ERCC6L2: variants seen among roughly 807,000 people sequenced by gnomAD.
ERCC6L2 encodes ERCC excision repair 6 like 2.
In ERCC6L2, 77 loss-of-function variants were observed where a neutral mutation model predicts 132.0. The observed-to-expected ratio is 0.58, with a 90% CI of 0.49 to 0.71. The LOEUF is 0.71. ERCC6L2 is among the 30% of genes least tolerant of loss of function. The pLI, the probability that ERCC6L2 is intolerant of heterozygous loss-of-function variation, is 0.00. For missense variants in ERCC6L2, 1,542 were observed against 1,837.6 expected (o/e 0.84, Z 2.94); for synonymous variants, 583 against 632.4 (o/e 0.92, Z 1.17).
In ERCC6L2 at chr9:96,012,947, G is replaced by A. The variant is rs549812698; in HGVS notation, c.4397G>A (p.Gly1466Glu). 3 of 1,367,230 alleles carry A rather than the reference G, an allele frequency of 2.2e-6. No individual in the cohort carries two copies. Among genetic ancestry groups the A allele is most frequent in the East Asian group, 9.1e-5 (2 of 21,986 alleles). 84.7% of individuals were successfully genotyped at this position (1,367,230 alleles called of 1,614,324 possible). The change falls in exon 19 of 19, where the codon GGG becomes GAG. Residue 1466 changes from glycine to glutamate, a missense_variant. Physicochemically the swap from Gly to Glu is moderately conservative, Grantham distance 98. This residue lies in a region of ERCC6L2 where 442 missense variants were observed against 583.4 expected (regional missense o/e 0.76). Coordinates refer to ENST00000653738, the MANE Select transcript of ERCC6L2 (RefSeq NM_020207.7). ...CAACTGCCAAAGAAAGTTCTTTCAG[G>A]GCCCATGGAAAAAGCAAAACAGAGA... Reference protein sequence around the residue: ...PTQLPKKVLSGPMEKAKQRPK... With the variant: ...PTQLPKKVLSEPMEKAKQRPK...
chr9:95,900,089 A>G (rs944372954), intron 3 of ERCC6L2, among the ~76,000 whole-genome samples: 4 of 152,138 alleles, frequency 2.6e-5, no homozygotes, highest in African/African-American at 4.8e-5. Flanking sequence ...CCTTAAAGCT[A>G]TAAGTGTTCC....
chr9:95,945,401 A>G (rs1831011137), intron 12 of ERCC6L2, among the ~76,000 whole-genome samples: 1 of 152,180 alleles, frequency 6.6e-6, no homozygotes, highest in African/African-American at 2.4e-5. Flanking sequence ...TTAAACACAC[A>G]TGCTGTACAA....
chr9:95,878,038 C>T (rs562690748), intron 1 of ERCC6L2, among the ~76,000 whole-genome samples: 49 of 152,066 alleles, frequency 3.2e-4, no homozygotes, highest in Non-Finnish European at 6.0e-4. Flanking sequence ...TAATGGGTAC[C>T]CTACGCTAAA....
chr9:96,027,228 AC>A (rs1349434783), intron 19 of ERCC6L2, among the ~76,000 whole-genome samples: 1 of 151,240 alleles, frequency 6.6e-6, no homozygotes, highest in African/African-American at 2.4e-5. Context: ...CGCCTCCAAC[AC>A]CCACCTCTTG....
At chr9:95,991,053 C>G (rs538697945) in intron 17 of ERCC6L2, among the ~76,000 whole-genome samples, 1 of 152,060 alleles carries the variant, frequency 6.6e-6, no homozygotes, top group African/African-American at 2.4e-5. Flanking sequence ...CCATAGGCTC[C>G]GATGCTCAGT....
chr9:96,029,105 C>G (rs535513235), intron 19 of ERCC6L2, among the ~76,000 whole-genome samples: 134 of 151,886 alleles, frequency 8.8e-4, no homozygotes, highest in Non-Finnish European at 1.5e-3. Context: ...GAGATCGAGA[C>G]CATCCTGGCT....
chr9:95,916,500 A>G lies in ERCC6L2; in HGVS notation c.1158+66A>G. 6.0e-6 allele frequency: 8 copies of G among 1,323,274 alleles called. No homozygotes were observed. In the East Asian group the frequency reaches 1.3e-4, roughly 21 times the overall value. The allele number at this position is 1,323,274 out of a possible 1,614,324, so 82.0% of individuals were successfully genotyped here. ...ATTTTTTTTTTCCTTTTTAAGAAAA[A>G]GTCTGTCTCCTGTGGCATTTTGTAA... On this transcript the variant is annotated intron_variant, in intron 6 of 18. Coordinates refer to ENST00000653738, the MANE Select transcript of ERCC6L2 (RefSeq NM_020207.7).
chr9:96,022,044 C>G (rs1278387682), downstream of ERCC6L2, among the ~76,000 whole-genome samples: 1 of 152,212 alleles, frequency 6.6e-6, no homozygotes, highest in Non-Finnish European at 1.5e-5. Flanking sequence ...CTCCACCTCC[C>G]TCCCGCCTCC....
downstream of ERCC6L2, chr9:96,020,901 A>C (rs1834275043): frequency 2.2e-6 from 1 of 456,620 alleles, no homozygotes; most frequent in African/African-American, 2.0e-5. Context: ...GGCCAGGCGT[A>C]GAGTGCTTCC....
chr9:95,995,111 A>G (rs1438125724), intron 17 of ERCC6L2, among the ~76,000 whole-genome samples: 3 of 152,184 alleles, frequency 2.0e-5, no homozygotes, highest in South Asian at 2.1e-4. Flanking sequence ...GTAGGGGGGA[A>G]TCTTCCTTGT....
intron 17 of ERCC6L2, among the ~76,000 whole-genome samples, chr9:95,997,163 C>G (rs973067747): frequency 6.6e-6 from 1 of 151,428 alleles, no homozygotes. Context: ...AGTTGTTAAC[C>G]TTCTGGAAAG....
At chr9:95,977,264 T>C (rs767262218) in intron 16 of ERCC6L2, among the ~76,000 whole-genome samples, 69 of 152,244 alleles carry the variant, frequency 4.5e-4, no homozygotes, top group Non-Finnish European at 7.9e-4. Context: ...TGCTAGTTAC[T>C]GTCTCATCAT....
chr9:95,936,703 T>TA (rs1564241193), intron 11 of ERCC6L2, among the ~76,000 whole-genome samples: 1 of 152,194 alleles, frequency 6.6e-6, no homozygotes, highest in Non-Finnish European at 1.5e-5. Flanking sequence ...CTGACGTTGA[T>TA]ACAGTGAAGA....
intron 19 of ERCC6L2, among the ~76,000 whole-genome samples, chr9:96,035,104 T>G (rs1161319352): frequency 6.6e-6 from 1 of 152,146 alleles, no homozygotes; most frequent in Non-Finnish European, 1.5e-5. Flanking sequence ...CTGATCCTAC[T>G]GCCTGTCCAA....
At chr9:96,037,999 G>A (rs1461640836) in intron 19 of ERCC6L2, among the ~76,000 whole-genome samples, 1 of 152,038 alleles carries the variant, frequency 6.6e-6, no homozygotes, top group Non-Finnish European at 1.5e-5. Context: ...AGCCAGGAAG[G>A]TAGAGGCTGG....
chr9:95,950,143 A>G (rs1266583377), intron 12 of ERCC6L2, among the ~76,000 whole-genome samples: 1 of 152,172 alleles, frequency 6.6e-6, no homozygotes, highest in East Asian at 1.9e-4. Context: ...AAATATAAAT[A>G]CCAGTATCGT....
chr9:95,978,296 T>TC, intron 17 of ERCC6L2, 81 bp downstream of exon 17: 1 of 931,062 alleles, frequency 1.1e-6, no homozygotes, highest in South Asian at 1.9e-5. Context: ...CTCTAAGTAC[T>TC]CCCTCAAAAG....
chr9:95,955,909 T>C lies in ERCC6L2; in HGVS notation c.1848-5T>C. On this transcript the variant is annotated splice_polypyrimidine_tract_variant and splice_region_variant and intron_variant, in intron 12 of 18. Transcript: ENST00000653738. ...TTTTTGTTTGTATTTTTAATCCTTT[T>C]ACAGAGCATATAGGATTGGACAATG... 6.5e-7 allele frequency: 1 copy of C among 1,548,432 alleles called. No individual in the cohort carries two copies. The highest frequency in any genetic ancestry group is 8.7e-7 in the Non-Finnish European group (1 of 1,146,492).
rs755122094 is a variant in ERCC6L2 at position 96,017,102 on chromosome 9, G to A, written c.*3899G>A. On this transcript the variant is annotated 3_prime_UTR_variant, in exon 19 of 19. Transcript: ENST00000653738. Reference sequence around the variant, plus strand: ...TGCCTGCTGCTCATTCCATCATCACGGATACAGACTTGTTTCTGGTTTCAT... The same window carrying A: ...TGCCTGCTGCTCATTCCATCATCACAGATACAGACTTGTTTCTGGTTTCAT... 9.9e-5 allele frequency among the ~76,000 whole-genome samples: 15 copies of A among 152,054 alleles called. No individual in the cohort carries two copies. The highest frequency in any genetic ancestry group is 1.6e-4 in the Non-Finnish European group (11 of 68,014).
Sources: allele counts gnomAD v4.1 joint callset (sites outside exome capture counted in the v4.1 genomes callset), GRCh38; gene constraint gnomAD v4.1.1; regional missense constraint gnomAD v4.1.1; transcripts MANE v1.5; gene names NCBI Gene and HGNC (gene_info 2026-07-23, HGNC 2026-07-21).